METTL15: variants seen among roughly 807,000 people sequenced by gnomAD.
The protein encoded by METTL15 is 12S rRNA N(4)-cytidine methyltransferase METTL15.
A neutral mutation model predicts 38.3 loss-of-function variants in METTL15; 34 were observed. The ratio of observed to expected loss-of-function variants is 0.89; its 90% CI spans 0.68 to 1.18. METTL15 has a LOEUF of 1.18. Among genes scored for constraint, METTL15 ranks in the 50% most tolerant of loss-of-function variants. The probability of loss-of-function intolerance (pLI) is 0.00; values close to 1 mark genes in which losing one functional copy is unlikely to be tolerated. For synonymous variants in METTL15, 162 were observed against 170.9 expected (o/e 0.95, Z 0.41); for missense variants, 438 against 498.4 (o/e 0.88, Z 1.15).
intron 6 of METTL15, among the ~76,000 whole-genome samples, chr11:28,310,956 GTGGTGGTGGGTGTGT>G (rs1263820459): frequency 7.5e-6 from 1 of 133,438 alleles, no homozygotes; most frequent in African/African-American, 3.1e-5. Flanking sequence ...GGTGGTGGTG[GTGGTGGTGGGTGTGT>G]GTGTGTGTGT....
intron 3 of METTL15, among the ~76,000 whole-genome samples, chr11:28,192,009 C>G (rs1851717175): frequency 6.6e-6 from 1 of 151,580 alleles, no homozygotes; most frequent in African/African-American, 2.4e-5. Flanking sequence ...TAATGATTAA[C>G]CAGATAATCT....
intron 3 of METTL15, among the ~76,000 whole-genome samples, chr11:28,127,747 T>C (rs570525395): frequency 1.3e-5 from 2 of 152,114 alleles, no homozygotes; most frequent in Non-Finnish European, 2.9e-5. Flanking sequence ...AATACTGTTA[T>C]AACTATTAAT....
chr11:28,353,502 T>C (rs1458967159), intron 4 of METTL15, among the ~76,000 whole-genome samples: 1 of 151,936 alleles, frequency 6.6e-6, no homozygotes, highest in African/African-American at 2.4e-5. Flanking sequence ...AAAACAAGAG[T>C]GCCTACCATG....
At chr11:28,293,077 A>G (rs1245799431) in intron 5 of METTL15, among the ~76,000 whole-genome samples, 2 of 152,090 alleles carry the variant, frequency 1.3e-5, no homozygotes, top group African/African-American at 4.8e-5. Flanking sequence ...CCATTTGTCA[A>G]TTTTGGCTTT....
chr11:28,156,282 A>G lies in METTL15; in HGVS notation c.270+42678A>G, dbSNP rs116929099. Among the ~76,000 whole-genome samples the G allele has an allele frequency of 3.3e-5, 5 of 152,330 alleles. No individual in the cohort carries two copies. The East Asian group carries it at 9.6e-4, about 29-fold the overall frequency. Reference sequence around the variant, plus strand: ...GAGGACCTGAAATCCCTATTAAGTCATATACAATTTGAGACATTTTCTATT... The same window carrying G: ...GAGGACCTGAAATCCCTATTAAGTCGTATACAATTTGAGACATTTTCTATT... On this transcript the variant is annotated intron_variant, in intron 3 of 6. Transcript: ENST00000407364.
In METTL15 at chr11:28,331,448, C is replaced by A. The variant is rs1010142184; in HGVS notation, c.*607C>A. 2 of 151,894 alleles carry A rather than the reference C, an allele frequency of 1.3e-5. No homozygotes were observed. The highest frequency in any genetic ancestry group is 2.9e-5 in the Non-Finnish European group (2 of 67,944). The allele number at this position is 151,894 out of a possible 1,614,324, so 9.4% of individuals were successfully genotyped here. A position where few individuals can be genotyped will look rare whatever the true frequency, so the allele number is the denominator to read the frequency against. ...TCAGTATGATATGGGCCATTTTGTT[C>A]ATCTATCGCAAAGTAAAAATGTAAA... is the stretch of plus-strand genomic sequence containing the variant. On this transcript the variant is annotated 3_prime_UTR_variant, in exon 7 of 7. Coordinates refer to ENST00000407364, the MANE Select transcript of METTL15 (RefSeq NM_001113528.2).
intron 3 of METTL15, among the ~76,000 whole-genome samples, chr11:28,199,072 C>T (rs1223370136): frequency 6.6e-6 from 1 of 151,804 alleles, no homozygotes; most frequent in Non-Finnish European, 1.5e-5. Context: ...AAAGGAGCAT[C>T]CCTCTGTTGT....
intron 6 of METTL15, among the ~76,000 whole-genome samples, chr11:28,451,448 G>T (rs1431842063): frequency 1.3e-5 from 2 of 152,024 alleles, no homozygotes; most frequent in East Asian, 3.9e-4. Flanking sequence ...AGCCAGGCGT[G>T]GTGGCGGGCA....
chr11:28,479,009 GA>G (rs1385525565), intron 6 of METTL15, among the ~76,000 whole-genome samples: 5 of 151,734 alleles, frequency 3.3e-5, no homozygotes, highest in Non-Finnish European at 5.9e-5. Context: ...ACTACTATAA[GA>G]ATGTAAACTT....
chr11:28,123,288 T>C (rs1852330020), intron 3 of METTL15, among the ~76,000 whole-genome samples: 1 of 152,138 alleles, frequency 6.6e-6, no homozygotes, highest in South Asian at 2.1e-4. Context: ...TGGCTCTGTC[T>C]TTTCCCATTG....
At chr11:28,139,170 C>T (rs912520047) in intron 3 of METTL15, among the ~76,000 whole-genome samples, 2 of 152,062 alleles carry the variant, frequency 1.3e-5, no homozygotes, top group South Asian at 2.1e-4. Flanking sequence ...ACTTTTCCTA[C>T]TTTGGGGGAT....
intron 4 of METTL15, among the ~76,000 whole-genome samples, chr11:28,231,913 A>T (rs1590193910): frequency 2.6e-5 from 4 of 151,744 alleles, no homozygotes; most frequent in Admixed American, 2.6e-4. Context: ...CAGACTTTAT[A>T]CTTTTCAAAC....
chr11:28,530,152 A>C (rs1851836316), downstream of METTL15, among the ~76,000 whole-genome samples: 1 of 152,156 alleles, frequency 6.6e-6, no homozygotes, highest in South Asian at 2.1e-4. Flanking sequence ...AAACAACATA[A>C]GCACAGGCAA....
At position 28,114,274 on chromosome 11, in the gene METTL15, T is replaced by A. The variant is rs562979189; in HGVS notation, c.270+670T>A. ...TCTGCCTTCTTTTACTCAGCATGTT[T>A]TCAGGGTTCTTCCATGGTGTTGCAT... On this transcript the variant is annotated intron_variant, in intron 3 of 6. Coordinates refer to ENST00000407364, the MANE Select transcript of METTL15 (RefSeq NM_001113528.2). 3.0e-4 allele frequency among the ~76,000 whole-genome samples: 46 copies of A among 152,338 alleles called. No individual in the cohort carries two copies. In the South Asian group the frequency reaches 9.1e-3, roughly 30 times the overall value.
At chr11:28,198,597 G>A (rs935496652) in intron 3 of METTL15, among the ~76,000 whole-genome samples, 1 of 152,066 alleles carries the variant, frequency 6.6e-6, no homozygotes, top group Non-Finnish European at 1.5e-5. Flanking sequence ...ACTTTTATGT[G>A]CTTCTGAGAG....
At chr11:28,427,127 T>C (rs1185931604) in intron 6 of METTL15, among the ~76,000 whole-genome samples, 1 of 152,166 alleles carries the variant, frequency 6.6e-6, no homozygotes. Flanking sequence ...TGTAAGGAAG[T>C]AGTCCGCTTT....
intron 5 of METTL15, among the ~76,000 whole-genome samples, chr11:28,295,120 A>G (rs1856682515): frequency 6.6e-6 from 1 of 152,134 alleles, no homozygotes; most frequent in Non-Finnish European, 1.5e-5. Flanking sequence ...TATGCCTTGC[A>G]AATTTATGAA....
intron 6 of METTL15, among the ~76,000 whole-genome samples, chr11:28,478,997 C>CT (rs1851371713): frequency 6.6e-6 from 1 of 151,888 alleles, no homozygotes; most frequent in Non-Finnish European, 1.5e-5. Context: ...GGCGTTCTTA[C>CT]TACTACTATA....
At chr11:28,471,910 C>CT (rs1851307542) in intron 6 of METTL15, among the ~76,000 whole-genome samples, 1 of 151,986 alleles carries the variant, frequency 6.6e-6, no homozygotes, top group South Asian at 2.1e-4. Context: ...CAATGAACTA[C>CT]TTTGAGGTGA....
Sources: allele counts gnomAD v4.1 joint callset (sites outside exome capture counted in the v4.1 genomes callset), GRCh38; gene constraint gnomAD v4.1.1; transcripts MANE v1.5; gene names NCBI Gene and HGNC (gene_info 2026-07-23, HGNC 2026-07-21).